KIAA0319L: variants seen among roughly 807,000 people sequenced by gnomAD.
The protein encoded by KIAA0319L is KIAA0319 like.
In KIAA0319L, 55 loss-of-function variants were observed where a neutral mutation model predicts 120.1. The observed-to-expected ratio is 0.46, with a 90% CI of 0.37 to 0.57. The LOEUF (loss-of-function observed/expected upper bound fraction) is 0.57. Ranked by LOEUF, KIAA0319L falls within the 20% of genes least tolerant of loss-of-function variation. KIAA0319L has a pLI of 0.00. For missense variants in KIAA0319L, 1,049 were observed against 1,255.3 expected, an observed-to-expected ratio of 0.84 and a Z score of 2.48; for synonymous variants, 398 against 471.9, an observed-to-expected ratio of 0.84 and a Z score of 2.03.
chr1:35,509,564 C>A (rs565459469), intron 2 of KIAA0319L, among the ~76,000 whole-genome samples: 1 of 152,164 alleles, frequency 6.6e-6, no homozygotes. Flanking sequence ...CCACTAGAAG[C>A]TAGGGGGAGG....
chr1:35,454,263 TGCTTCTACCCTCATACA>T, intron 11 of KIAA0319L, 82 bp downstream of exon 11: 1 of 1,309,866 alleles, frequency 7.6e-7, no homozygotes, highest in Non-Finnish European at 1.1e-6. Flanking sequence ...CGGTGCCTTC[TGCTTCTACCCTCATACA>T]GCTCAGAACC....
Position 35,470,492 on chromosome 1 carries a change from CAAAAAAAAAAAAA to C in KIAA0319L, c.1113+358_1113+370del, listed in dbSNP as rs34215571. ...TAGGTGACAGAGCAAGACCCTGTCT[CAAAAAAAAAAAAA>C]AAAAAAAAAGAAAAAACCTATACTG... On this transcript the variant is annotated intron_variant, in intron 6 of 20. Transcript: ENST00000325722. Among the ~76,000 whole-genome samples the C allele has an allele frequency of 5.2e-3, 382 of 73,434 alleles. 4 individuals are homozygous for C. The highest frequency in any genetic ancestry group is 0.02 in the African/African-American group (371 of 18,668). The allele number at this position is 73,434 out of a possible 152,430, so 48.2% of individuals were successfully genotyped here.
At chr1:35,521,238 T>C (rs1024205747) in intron 2 of KIAA0319L, among the ~76,000 whole-genome samples, 4 of 150,712 alleles carry the variant, frequency 2.7e-5, no homozygotes, top group African/African-American at 9.8e-5. Flanking sequence ...CTGGGGGAGG[T>C]TGAGGCAAGA....
chr1:35,475,774 G>A (rs1023364744), intron 4 of KIAA0319L, among the ~76,000 whole-genome samples: 8 of 152,090 alleles, frequency 5.3e-5, no homozygotes, highest in Non-Finnish European at 8.8e-5. Context: ...TTCTATTTAA[G>A]ACTCCTGCTC....
At chr1:35,443,151 G>A in intron 17 of KIAA0319L, 123 bp from the exon 18 acceptor site, 1 of 1,175,726 alleles carries the variant, frequency 8.5e-7, no homozygotes, top group South Asian at 1.5e-5. Flanking sequence ...ATGTCCTCGA[G>A]ACCCACCTTG....
chr1:35,504,206 T>C (rs1312823047), intron 3 of KIAA0319L, among the ~76,000 whole-genome samples: 1 of 149,940 alleles, frequency 6.7e-6, no homozygotes, highest in Non-Finnish European at 1.5e-5. Flanking sequence ...TTCTTCCCTT[T>C]TTTTTTTTGA....
chr1:35,488,739 A>G (rs1238375757), intron 3 of KIAA0319L, among the ~76,000 whole-genome samples: 1 of 152,248 alleles, frequency 6.6e-6, no homozygotes, highest in Non-Finnish European at 1.5e-5. Context: ...CCCCAAAGAA[A>G]GAAGGGACAA....
At chr1:35,467,553 T>TA in intron 6 of KIAA0319L, among the ~76,000 whole-genome samples, 1 of 152,324 alleles carries the variant, frequency 6.6e-6, no homozygotes, top group East Asian at 1.9e-4. Context: ...ACGAATAAGG[T>TA]AAGATCTCTA....
At chr1:35,526,635 T>C (rs772098586) in intron 2 of KIAA0319L, among the ~76,000 whole-genome samples, 4 of 151,902 alleles carry the variant, frequency 2.6e-5, no homozygotes, top group Non-Finnish European at 5.9e-5. Flanking sequence ...TTTGTAGAGA[T>C]GAGGTCTCAC....
intron 2 of KIAA0319L, among the ~76,000 whole-genome samples, chr1:35,522,144 G>T (rs1356220973): frequency 1.3e-5 from 2 of 152,068 alleles, no homozygotes; most frequent in African/African-American, 4.8e-5. Context: ...GTTGAGGGGG[G>T]AGAAAATATA....
intron 3 of KIAA0319L, among the ~76,000 whole-genome samples, chr1:35,485,135 T>C (rs990499214): frequency 1.3e-5 from 2 of 152,080 alleles, no homozygotes; most frequent in African/African-American, 4.8e-5. Context: ...GCATGTCTTA[T>C]AATATCTGGT....
Position 35,453,489 on chromosome 1 carries a change from C to T in KIAA0319L, c.1913+68G>A. 6.7e-7 allele frequency: 1 copy of T among 1,499,556 alleles called. No individual in the cohort carries two copies. The highest frequency in any genetic ancestry group is 2.3e-5 in the East Asian group (1 of 44,028). The allele number at this position is 1,499,556 out of a possible 1,614,324, so 92.9% of individuals were successfully genotyped here. ...ATAAGAGCAACTCAACTCATAATAG[C>T]AAATAAAACCTTGCTCTTCCAAGGT... On this transcript the variant is annotated intron_variant, in intron 12 of 20. Transcript: ENST00000325722. The surrounding 1 kb of genome is among the most constrained non-coding windows in gnomAD (Gnocchi z 4.1).
intron 2 of KIAA0319L, among the ~76,000 whole-genome samples, chr1:35,539,550 G>GGCTA (rs1479710486): frequency 1.3e-5 from 2 of 152,228 alleles, no homozygotes; most frequent in Admixed American, 1.3e-4. Context: ...AGAATGCACA[G>GGCTA]GTAGAAGACA....
At chr1:35,460,231 T>G in intron 9 of KIAA0319L, 74 bp downstream of exon 9, 1 of 1,195,140 alleles carries the variant, frequency 8.4e-7, no homozygotes, top group Non-Finnish European at 1.2e-6. Context: ...TCAAAGTTAC[T>G]CATATAACAA....
chr1:35,459,224 T>C (rs1193147883), intron 9 of KIAA0319L, among the ~76,000 whole-genome samples: 1 of 151,832 alleles, frequency 6.6e-6, no homozygotes, highest in African/African-American at 2.4e-5. Context: ...CTTGAACAGA[T>C]TGAGAAGGGA....
chr1:35,489,719 T>G (rs901602280), intron 3 of KIAA0319L, among the ~76,000 whole-genome samples: 2 of 150,238 alleles, frequency 1.3e-5, no homozygotes, highest in Non-Finnish European at 3.0e-5. Context: ...CAGGCTGGGG[T>G]GCAGTGGTGC....
chr1:35,457,062 G>C lies in KIAA0319L; in HGVS notation c.1428-821C>G, dbSNP rs193087127. ...CATTTTGTCCTGCTGCTGCCTGCAC[G>C]CATCTGTGTCCTGAGGTCTCTATAA... is the stretch of plus-strand genomic sequence containing the variant. On this transcript the variant is annotated intron_variant, in intron 9 of 20. Transcript: ENST00000325722. Among the ~76,000 whole-genome samples the C allele has an allele frequency of 1.1e-4, 17 of 152,196 alleles. No homozygotes were observed. The East Asian group carries it at 3.1e-3, about 28-fold the overall frequency.
intron 2 of KIAA0319L, among the ~76,000 whole-genome samples, chr1:35,519,471 A>G (rs1367544090): frequency 2.6e-5 from 4 of 152,194 alleles, no homozygotes; most frequent in African/African-American, 9.6e-5. Flanking sequence ...GCTGCCTTTC[A>G]GTAACAATTA....
chr1:35,478,823 G>T, intron 4 of KIAA0319L, 143 bp downstream of exon 4: 2 of 981,388 alleles, frequency 2.0e-6, no homozygotes, highest in Non-Finnish European at 3.0e-6. Context: ...CCCAGTCCAT[G>T]ACTGCAGGGG....
Sources: gnomAD v4.1 joint callset for allele counts (sites outside exome capture counted in the v4.1 genomes callset) on GRCh38, gnomAD v4.1.1 for gene constraint, Gnocchi (gnomAD v3.1) non-coding constraint, MANE v1.5 for transcripts, NCBI Gene and HGNC (gene_info 2026-07-23, HGNC 2026-07-21) for gene names.